Variants in HNRNPDL observed in about 807,000 individuals in gnomAD.
HNRNPDL encodes the protein heterogeneous nuclear ribonucleoprotein D-like.
A neutral mutation model predicts 48.0 loss-of-function variants in HNRNPDL; 18 were observed. The observed-to-expected ratio is 0.38, with a 90% CI of 0.26 to 0.56. The LOEUF (loss-of-function observed/expected upper bound fraction) is 0.56. Among genes scored for constraint, HNRNPDL ranks in the 20% least tolerant of loss-of-function variants. The pLI is 0.77. For missense variants in HNRNPDL, 553 were observed against 540.7 expected, an observed-to-expected ratio of 1.02 and a Z score of -0.23; for synonymous variants, 306 against 207.3, an observed-to-expected ratio of 1.48 and a Z score of -4.09.
At chr4:82,428,583 T>C (rs974685467) in intron 1 of HNRNPDL, 137 bp from the exon 2 acceptor site, 1 of 717,090 alleles carries the variant, frequency 1.4e-6, no homozygotes, top group East Asian at 2.7e-5. Context: ...ACATTTAATC[T>C]ATGTCACACA....
In HNRNPDL at chr4:82,428,461, G is replaced by T; in HGVS notation, c.444-15C>A. 1 of 1,563,282 alleles carries T rather than the reference G, an allele frequency of 6.4e-7. No homozygotes were observed. Among genetic ancestry groups the T allele is most frequent in the South Asian group, 1.2e-5 (1 of 85,676 alleles). On this transcript the variant is annotated splice_polypyrimidine_tract_variant and intron_variant, in intron 1 of 7. Coordinates refer to ENST00000295470, the MANE Select transcript of HNRNPDL (RefSeq NM_031372.4). The stretch of plus-strand genomic sequence containing the variant: ...TAAACATTTTACTAGAAATAAAAGT[G>T]TTTTTAAAAAAAATTAACAATAACT...
Position 82,429,571 on chromosome 4 carries a change from C to A in HNRNPDL, c.120G>T (p.Pro40=), listed in dbSNP as rs1325536184. The A allele has an allele frequency of 3.5e-6, 5 of 1,414,026 alleles. No homozygotes were observed. Among genetic ancestry groups the A allele is most frequent in the Non-Finnish European group, 2.8e-6 (3 of 1,089,234 alleles). The allele number at this position is 1,414,026 out of a possible 1,614,324, so 87.6% of individuals were successfully genotyped here. The change falls in exon 1 of 8, where the codon CCG becomes CCT. Residue 40 remains proline (P), a synonymous_variant. Coordinates refer to ENST00000295470, the MANE Select transcript of HNRNPDL (RefSeq NM_031372.4). ...AGCTGGGAGCGAGCGAAGGGAGGAG[C>A]GGGGCTAGCTGCCGCGGCGGCCGCG... ...WRPRPPRQLA[P]LLPSLAPSSA...
At chr4:82,425,187 C>CA (rs1721368110) in intron 7 of HNRNPDL, 1 of 152,154 alleles carries the variant, frequency 6.6e-6, no homozygotes, top group Non-Finnish European at 1.5e-5. Context: ...AAAATGCTAT[C>CA]ACAAACACCA....
Position 82,426,574 on chromosome 4 carries a change from A to G in HNRNPDL, c.1081T>C (p.Tyr361His). Residue 361 changes from tyrosine to histidine, a missense_variant, in exon 6 of 8, where the codon TAC becomes CAC. Physicochemically the swap from Tyr to His is moderately conservative, Grantham distance 83 (BLOSUM62 2). Around this residue, in one of 4 missense-constraint regions of HNRNPDL, gnomAD observed 174 missense variants for 204.6 expected, o/e 0.85. Coordinates refer to ENST00000295470, the MANE Select transcript of HNRNPDL (RefSeq NM_031372.4). ...TGATCACCACCATAGGCACTATTGT[A>G]ATTTCCATATCCTTGATCATAATAG... ...NNYYDQGYGN[Y>H]NSAYGGDQNY... The G allele has an allele frequency of 1.2e-6, 2 of 1,613,534 alleles. No individual in the cohort carries two copies. The highest frequency in any genetic ancestry group is 8.5e-7 in the Non-Finnish European group (1 of 1,179,586).
rs1259995455 is a variant in HNRNPDL at position 82,424,127 on chromosome 4, CCA to C, written c.*777_*778del. On this transcript the variant is annotated 3_prime_UTR_variant, in exon 8 of 8. Coordinates refer to ENST00000295470, the MANE Select transcript of HNRNPDL (RefSeq NM_031372.4). ...CAATGCTCTTAAACCATAGCTCCTA[CCA>C]GTTTTACAGTGCTCCTTTTGTATCT... The C allele has an allele frequency of 3.3e-5, 5 of 152,206 alleles. No homozygotes were observed. Among genetic ancestry groups the C allele is most frequent in the Admixed American group, 6.5e-5 (1 of 15,278 alleles). 9.4% of individuals were successfully genotyped at this position (152,206 alleles called of 1,614,324 possible).
rs995086560 is a variant in HNRNPDL, at chr4:82,422,913, T to A, written c.*1993A>T. 1.2e-4 allele frequency: 18 copies of A among 152,238 alleles called. No individual in the cohort carries two copies. The highest frequency in any genetic ancestry group is 3.9e-4 in the African/African-American group (16 of 41,462). 9.4% of individuals were successfully genotyped at this position (152,238 alleles called of 1,614,324 possible). On this transcript the variant is annotated 3_prime_UTR_variant, in exon 8 of 8. Transcript: ENST00000295470. ...CCCCTCCCCAATAAACTTGTCCAAT[T>A]ACTTTGTTCTAAATTAATCCTTGGG... is the stretch of plus-strand genomic sequence containing the variant.
intron 7 of HNRNPDL, chr4:82,425,340 A>G (rs541843928): frequency 6.6e-6 from 1 of 152,400 alleles, no homozygotes; most frequent in East Asian, 1.9e-4. Flanking sequence ...AAATCTTAAA[A>G]GAATGAACAC....
At position 82,429,348 on chromosome 4, in the gene HNRNPDL, C is replaced by T. The variant is rs775002922; in HGVS notation, c.343G>A (p.Asp115Asn). ...TRTARQHPPA[D>N]SSVTMEDMNE... is the part of the protein sequence containing the mutation. Reference sequence around the variant, plus strand: ...ATATCCTCCATAGTGACGGAGCTGTCGGCAGGGGGGTGCTGGCGCGCAGTC... The same window carrying T: ...ATATCCTCCATAGTGACGGAGCTGTTGGCAGGGGGGTGCTGGCGCGCAGTC... The change falls in exon 1 of 8, where the codon GAC becomes AAC. Residue 115 changes from aspartate (D) to asparagine (N), a missense_variant. Coordinates refer to ENST00000295470, the MANE Select transcript of HNRNPDL (RefSeq NM_031372.4). 1.2e-6 allele frequency: 2 copies of T among 1,613,848 alleles called. No individual in the cohort carries two copies. Among genetic ancestry groups the T allele is most frequent in the Non-Finnish European group, 1.7e-6 (2 of 1,179,890 alleles).
chr4:82,429,660 G>T lies in HNRNPDL; in HGVS notation c.31C>A (p.Pro11Thr), dbSNP rs1721629302. 2 of 1,366,042 alleles carry T rather than the reference G, an allele frequency of 1.5e-6. No individual in the cohort carries two copies. The highest frequency in any genetic ancestry group is 1.9e-6 in the Non-Finnish European group (2 of 1,060,754). 84.6% of individuals were successfully genotyped at this position (1,366,042 alleles called of 1,614,324 possible). Residue 11 changes from proline (P) to threonine (T), a missense_variant, in exon 1 of 8, where the codon CCG becomes ACG. Transcript: ENST00000295470. Reference protein sequence around the residue: MEVPPRLSHVPPPLFPSAPAT... With the variant: MEVPPRLSHVTPPLFPSAPAT... ...GGAGCGGAGGGGAACAATGGCGGCG[G>T]CACATGGGAAAGCCTGGGCGGGACC...
rs748859467 is a variant in HNRNPDL at position 82,429,370 on chromosome 4, A to G, written c.321T>C (p.Thr107=). 4.3e-6 allele frequency: 7 copies of G among 1,613,566 alleles called. No individual in the cohort carries two copies. Among genetic ancestry groups the G allele is most frequent in the Non-Finnish European group, 5.1e-6 (6 of 1,179,830 alleles). The change falls in exon 1 of 8, where the codon ACT becomes ACC. Residue 107 remains threonine, a synonymous_variant. Transcript: ENST00000295470. ...TGTCGGCAGGGGGGTGCTGGCGCGCAGTCCGGGTCGCGGCAGCAGCGGCGG... is the reference window on the plus strand; with the variant it reads ...TGTCGGCAGGGGGGTGCTGGCGCGCGGTCCGGGTCGCGGCAGCAGCGGCGG... The part of the protein sequence containing the change: ...RSAAAAAATR[T]ARQHPPADSS...
rs772314860 is a variant in HNRNPDL, at chr4:82,429,434, A to C, written c.257T>G (p.Phe86Cys). 1 of 1,611,540 alleles carries C rather than the reference A, an allele frequency of 6.2e-7. No homozygotes were observed. Among genetic ancestry groups the C allele is most frequent in the Non-Finnish European group, 8.5e-7 (1 of 1,179,162 alleles). ...GGAGCTGGATTTAAAATGGCGGCGG[A>C]AGAGATCCGGGCGCCGCCTGCGCCC... is the stretch of plus-strand genomic sequence containing the variant. Reference protein sequence around the residue: ...KGGRRRRPDLFRRHFKSSSIQ... With the variant: ...KGGRRRRPDLCRRHFKSSSIQ... Residue 86 changes from phenylalanine (F) to cysteine (C), a missense_variant, in exon 1 of 8, where the codon TTC becomes TGC. Transcript: ENST00000295470.
intron 5 of HNRNPDL, 110 bp from the exon 6 acceptor site, chr4:82,426,743 A>G: frequency 2.3e-6 from 2 of 867,682 alleles, no homozygotes. Context: ...CAGAATGGAC[A>G]TATATATTGC....
In HNRNPDL at chr4:82,428,005, C is replaced by CA; in HGVS notation, c.774+12dup. 1 of 1,610,452 alleles carries CA rather than the reference C, an allele frequency of 6.2e-7. No homozygotes were observed. The highest frequency in any genetic ancestry group is 8.5e-7 in the Non-Finnish European group (1 of 1,177,510). ...ACACATCAAGCTTAACATGTGTAAA[C>CA]ATAATCACACACCTCTCCAAAGGCT... On this transcript the variant is annotated intron_variant, in intron 3 of 7. Coordinates refer to ENST00000295470, the MANE Select transcript of HNRNPDL (RefSeq NM_031372.4).
intron 6 of HNRNPDL, 71 bp downstream of exon 6, chr4:82,426,392 C>T: frequency 2.9e-6 from 4 of 1,372,554 alleles, no homozygotes; most frequent in Non-Finnish European, 4.1e-6. Context: ...CACACAATTT[C>T]AGAACAGGAT....
At position 82,427,483 on chromosome 4, in the gene HNRNPDL, G is replaced by A; in HGVS notation, c.856C>T (p.Pro286Ser). Residue 286 changes from proline (P) to serine (S), a missense_variant, in exon 4 of 8, where the codon CCA becomes TCA. Transcript: ENST00000295470. ...CTGCTTTCTAACAATTTTTTTACTGGCTCTTCATCAGTATATGTGATAAAA... is the reference window on the plus strand; with the variant it reads ...CTGCTTTCTAACAATTTTTTTACTGACTCTTCATCAGTATATGTGATAAAA... ...FCFITYTDEE[P>S]VKKLLESRYH... 1 of 1,608,750 alleles carries A rather than the reference G, an allele frequency of 6.2e-7. No homozygotes were observed. Among genetic ancestry groups the A allele is most frequent in the African/African-American group, 1.3e-5 (1 of 74,746 alleles).
At position 82,427,240 on chromosome 4, in the gene HNRNPDL, C is replaced by T. The variant is rs1173000674; in HGVS notation, c.971G>A (p.Gly324Glu). ...TCGTCCACCAGCTGCAGCACCTCTT[C>T]CACCTTTTTGTTGTTGCTGTTGCTG... is the stretch of plus-strand genomic sequence containing the variant. ...YRQQQQQQKGGRGAAAGGRGG... is the reference protein window; with the variant it reads ...YRQQQQQQKGERGAAAGGRGG... The change falls in exon 5 of 8, where the codon GGA (glycine) becomes GAA (glutamate). Residue 324 changes from glycine to glutamate, a missense_variant. By Grantham distance (98) the Gly-to-Glu change is moderately conservative. This residue lies in a region of HNRNPDL where 174 missense variants were observed against 204.6 expected (regional missense o/e 0.85). Coordinates refer to ENST00000295470, the MANE Select transcript of HNRNPDL (RefSeq NM_031372.4). 1.9e-6 allele frequency: 3 copies of T among 1,614,080 alleles called. No homozygotes were observed. The highest frequency in any genetic ancestry group is 2.2e-5 in the South Asian group (2 of 91,074).
chr4:82,425,980 A>C, intron 7 of HNRNPDL, 57 bp downstream of exon 7: 1 of 1,136,674 alleles, frequency 8.8e-7, no homozygotes, highest in Non-Finnish European at 1.3e-6. Context: ...TCATTTGTCT[A>C]TTGATCTTTA....
At chr4:82,429,096 T>C in intron 1 of HNRNPDL, 152 bp downstream of exon 1, 1 of 727,046 alleles carries the variant, frequency 1.4e-6, no homozygotes, top group Non-Finnish European at 2.4e-6. Flanking sequence ...CCTCGATCTC[T>C]TACTTTCCTC....
In HNRNPDL at chr4:82,422,944, G is replaced by T. The variant is rs1721243628; in HGVS notation, c.*1962C>A. 6.6e-6 allele frequency: 1 copy of T among 152,174 alleles called. No individual in the cohort carries two copies. The highest frequency in any genetic ancestry group is 1.5e-5 in the Non-Finnish European group (1 of 68,040). 9.4% of individuals were successfully genotyped at this position (152,174 alleles called of 1,614,324 possible). On this transcript the variant is annotated 3_prime_UTR_variant, in exon 8 of 8. Transcript: ENST00000295470. ...GTTCTAAATTAATCCTTGGGAACGA[G>T]ATCTTGATAGTAGCTTCAGTTCATC...
Sources: allele counts gnomAD v4.1 joint callset, GRCh38; gene constraint gnomAD v4.1.1; regional missense constraint gnomAD v4.1.1; transcripts MANE v1.5; gene names NCBI Gene and HGNC (gene_info 2026-07-23, HGNC 2026-07-21).